Variants in WDR72 observed in about 807,000 individuals in gnomAD.
WDR72 encodes the protein WD repeat domain 72.
In WDR72, 120 loss-of-function variants were observed where a neutral mutation model predicts 124.2. That is an observed-to-expected ratio of 0.97 (90% confidence interval 0.83 to 1.12). The LOEUF (loss-of-function observed/expected upper bound fraction) is 1.12. WDR72 is among the 50% of genes most tolerant of loss of function. The pLI, the probability that WDR72 is intolerant of heterozygous loss-of-function variation, is 0.00. For missense variants in WDR72, 1,387 were observed against 1,278.8 expected (o/e 1.08, Z -1.29); for synonymous variants, 452 against 441.7 (o/e 1.02, Z -0.29).
At chr15:53,591,821 C>G (rs1208503508) in intron 18 of WDR72, among the ~76,000 whole-genome samples, 1 of 151,904 alleles carries the variant, frequency 6.6e-6, no homozygotes, top group Non-Finnish European at 1.5e-5. Context: ...TGTCTTTAAA[C>G]CACGGTTTCT....
intron 14 of WDR72, among the ~76,000 whole-genome samples, chr15:53,629,986 T>C (rs2014361098): frequency 6.6e-6 from 1 of 152,068 alleles, no homozygotes; most frequent in Admixed American, 6.5e-5. Flanking sequence ...AACAATACAC[T>C]CCTAAATAAT....
chr15:53,540,571 G>GAAA (rs5812690), intron 18 of WDR72, among the ~76,000 whole-genome samples: 1,379 of 135,090 alleles, frequency 0.01, 25 homozygotes, highest in African/African-American at 0.032. Context: ...AAGGAAGAAA[G>GAAA]AAAAAAAAAA....
chr15:53,571,610 C>T (rs1303338614), intron 18 of WDR72, among the ~76,000 whole-genome samples: 1 of 152,038 alleles, frequency 6.6e-6, no homozygotes, highest in Non-Finnish European at 1.5e-5. Context: ...CTTATTTATT[C>T]ATCCATTGAT....
chr15:53,650,465 A>G (rs2015193822), intron 14 of WDR72, among the ~76,000 whole-genome samples: 1 of 152,190 alleles, frequency 6.6e-6, no homozygotes, highest in Non-Finnish European at 1.5e-5. Flanking sequence ...GTCCAGGTTC[A>G]AAGACTTCCT....
chr15:53,695,068 C>T lies in WDR72; in HGVS notation c.1765+4682G>A, dbSNP rs542658154. Among the ~76,000 whole-genome samples the T allele has an allele frequency of 1.3e-4, 20 of 152,166 alleles. No individual in the cohort carries two copies. In the South Asian group the frequency reaches 3.7e-3, roughly 28 times the overall value. On this transcript the variant is annotated intron_variant, in intron 13 of 19. Coordinates refer to ENST00000360509, the MANE Select transcript of WDR72 (RefSeq NM_182758.4). ...AAAGCAGAAAACATTTACTATCCAGCCCTCTACAGAAAAAAGTGTTTCTGA... is the reference window on the plus strand; with the variant it reads ...AAAGCAGAAAACATTTACTATCCAGTCCTCTACAGAAAAAAGTGTTTCTGA...
intron 7 of WDR72, among the ~76,000 whole-genome samples, chr15:53,712,248 C>A (rs963133393): frequency 5.3e-5 from 8 of 151,938 alleles, no homozygotes; most frequent in South Asian, 4.2e-4. Flanking sequence ...GTTGCATATA[C>A]CATGATATTA....
chr15:53,565,482 A>C (rs910722763), intron 18 of WDR72, among the ~76,000 whole-genome samples: 1 of 151,970 alleles, frequency 6.6e-6, no homozygotes, highest in African/African-American at 2.4e-5. Flanking sequence ...ACAATGTGCC[A>C]AGACCTATTC....
intron 1 of WDR72, 97 bp from the exon 2 acceptor site, chr15:53,733,258 A>G (rs2018256812): frequency 7.6e-7 from 1 of 1,313,308 alleles, no homozygotes; most frequent in South Asian, 1.2e-5. Context: ...ACCAAACTTC[A>G]ATGATGTGTT....
chr15:53,756,266 C>A (rs946384584), intron 1 of WDR72, among the ~76,000 whole-genome samples: 1 of 152,142 alleles, frequency 6.6e-6, no homozygotes, highest in Non-Finnish European at 1.5e-5. Context: ...CCCTTTGCTC[C>A]GCACTCATTC....
At chr15:53,663,384 C>A (rs1167435736) in intron 14 of WDR72, among the ~76,000 whole-genome samples, 2 of 151,798 alleles carry the variant, frequency 1.3e-5, no homozygotes, top group African/African-American at 4.8e-5. Context: ...GGGGCAAAAG[C>A]AAGAAAATAA....
chr15:53,753,229 T>C (rs528515602), intron 1 of WDR72, among the ~76,000 whole-genome samples: 4 of 152,188 alleles, frequency 2.6e-5, no homozygotes, highest in South Asian at 2.1e-4. Flanking sequence ...ACTGTAATTA[T>C]AACAATCCAT....
chr15:53,613,638 A>T (rs1401057093), intron 16 of WDR72, 28 bp downstream of exon 16: 1 of 1,499,320 alleles, frequency 6.7e-7, no homozygotes, highest in Non-Finnish European at 9.3e-7. Flanking sequence ...AAAAAATCAG[A>T]TCATATCTGT....
At chr15:53,678,476 C>A (rs754092266) in intron 13 of WDR72, among the ~76,000 whole-genome samples, 21 of 152,076 alleles carry the variant, frequency 1.4e-4, no homozygotes, top group African/African-American at 4.3e-4. Flanking sequence ...CTTCTTTTCC[C>A]GGAGCATTCT....
chr15:53,706,074 C>T lies in WDR72; in HGVS notation c.955G>A (p.Glu319Lys), dbSNP rs779577436. The T allele has an allele frequency of 5.6e-6, 9 of 1,613,630 alleles. No individual in the cohort carries two copies. The Admixed American group carries it at 1.3e-4, about 24-fold the overall frequency. ...LCSTSVQENK[E>K]QSRPFVMGYM... ...CCCATAACAAAGGGACGGCTCTGTT[C>T]CTAAACAAAAAGTGAGCTTTTATGT... The change falls in exon 10 of 20, where the codon GAA becomes AAA. Residue 319 changes from glutamate to lysine, a missense_variant and splice_region_variant. Glu to Lys is a moderately conservative substitution (Grantham distance 56, BLOSUM62 1). Transcript: ENST00000360509.
chr15:53,562,466 T>C (rs1437878215), intron 18 of WDR72, among the ~76,000 whole-genome samples: 1 of 151,786 alleles, frequency 6.6e-6, no homozygotes, highest in African/African-American at 2.4e-5. Context: ...ACCCCTAAAT[T>C]TGTAATTCCA....
At chr15:53,750,558 A>G (rs1042154818) in intron 1 of WDR72, among the ~76,000 whole-genome samples, 2 of 152,222 alleles carry the variant, frequency 1.3e-5, no homozygotes, top group Non-Finnish European at 2.9e-5. Flanking sequence ...AACTCTTACT[A>G]TTTAAGCTAT....
intron 14 of WDR72, among the ~76,000 whole-genome samples, chr15:53,660,902 T>C (rs1179261300): frequency 6.6e-6 from 1 of 152,158 alleles, no homozygotes; most frequent in Non-Finnish European, 1.5e-5. Flanking sequence ...AATACAGATA[T>C]GGAGGGAAAA....
Position 53,702,188 on chromosome 15 carries a change from G to T in WDR72, c.1515C>A (p.Phe505Leu), listed in dbSNP as rs2017201389. The T allele has an allele frequency of 1.2e-6, 2 of 1,614,018 alleles. No homozygotes were observed. The highest frequency in any genetic ancestry group is 2.2e-5 in the East Asian group (1 of 44,862). The change falls in exon 12 of 20, where the codon TTC (phenylalanine) becomes TTA (leucine). Residue 505 changes from phenylalanine to leucine, a missense_variant. Transcript: ENST00000360509. Reference protein sequence around the residue: ...DIFTEEILHKFFLEAGPVTSL... With the variant: ...DIFTEEILHKLFLEAGPVTSL... ...TTGTTACTGGACCAGCTTCCAAAAA[G>T]AATTTATGCAAAATTTCTTCAGTAA...
intron 3 of WDR72, among the ~76,000 whole-genome samples, chr15:53,718,886 A>C (rs548159239): frequency 6.6e-6 from 1 of 151,990 alleles, no homozygotes. Context: ...ATTTCAATGA[A>C]AAGAAAACAG....
Sources: gnomAD v4.1 joint callset for allele counts (sites outside exome capture counted in the v4.1 genomes callset) on GRCh38, gnomAD v4.1.1 for gene constraint, MANE v1.5 for transcripts, NCBI Gene and HGNC (gene_info 2026-07-23, HGNC 2026-07-21) for gene names.